Variants in KCNQ3 observed in about 807,000 individuals in gnomAD.
The protein encoded by KCNQ3 is potassium voltage-gated channel subfamily KQT member 3.
KCNQ3 carries 30 observed loss-of-function variants against 92.5 expected under a neutral mutation model. The observed-to-expected ratio is 0.32, with a 90% CI of 0.24 to 0.44. The LOEUF (loss-of-function observed/expected upper bound fraction) is 0.44, where lower values mean the gene tolerates loss of function less well. Ranked by LOEUF, KCNQ3 falls within the 20% of genes least tolerant of loss-of-function variation. The pLI is 1.00. For missense variants in KCNQ3, 913 were observed against 1,140.3 expected (o/e 0.80, Z 2.87); for synonymous variants, 450 against 468.8 (o/e 0.96, Z 0.52).
At chr8:132,286,184 C>T (rs1379332743) in intron 1 of KCNQ3, among the ~76,000 whole-genome samples, 1 of 152,188 alleles carries the variant, frequency 6.6e-6, no homozygotes, top group Non-Finnish European at 1.5e-5. Flanking sequence ...CCCCAGAATA[C>T]AGCCACTAGC....
Position 132,480,471 on chromosome 8 carries a change from CCGCCGCCCCCGT to C in KCNQ3, c.50_61del (p.Asp17_Gly20del), listed in dbSNP as rs1186895673. On this transcript the variant is annotated inframe_deletion, in exon 1 of 15. Coordinates refer to ENST00000388996, the MANE Select transcript of KCNQ3 (RefSeq NM_004519.4). Reference sequence around the variant, plus strand: ...GGCTGGGTTAGCCGCCCCGCCGCCTCCGCCGCCCCCGTCGCCGCCGCCGCCAGCCGCCCCCGC... The same window carrying C: ...GGCTGGGTTAGCCGCCCCGCCGCCTCCGCCGCCGCCGCCAGCCGCCCCCGC... 8.1e-7 allele frequency: 1 copy of C among 1,240,210 alleles called. No individual in the cohort carries two copies. The highest frequency in any genetic ancestry group is 1.0e-6 in the Non-Finnish European group (1 of 997,216). 76.8% of individuals were successfully genotyped at this position (1,240,210 alleles called of 1,614,324 possible). A position where few individuals can be genotyped will look rare whatever the true frequency, so the allele number is the denominator to read the frequency against.
intron 1 of KCNQ3, among the ~76,000 whole-genome samples, chr8:132,353,947 G>C (rs956345304): frequency 5.3e-5 from 8 of 152,186 alleles, no homozygotes; most frequent in Non-Finnish European, 7.3e-5. Flanking sequence ...CCTTGTTTGT[G>C]GTCATGAGTG....
At chr8:132,244,946 A>G (rs2130420653) in intron 1 of KCNQ3, among the ~76,000 whole-genome samples, 1 of 151,910 alleles carries the variant, frequency 6.6e-6, no homozygotes, top group South Asian at 2.1e-4. Flanking sequence ...AAAAAGATGA[A>G]AAAGCTACCC....
At chr8:132,355,106 A>G (rs988305549) in intron 1 of KCNQ3, among the ~76,000 whole-genome samples, 2 of 152,190 alleles carry the variant, frequency 1.3e-5, no homozygotes, top group Non-Finnish European at 2.9e-5. Flanking sequence ...CTAAGAGCTT[A>G]TCTATTTATG....
At chr8:132,468,040 C>T (rs908398066) in intron 1 of KCNQ3, among the ~76,000 whole-genome samples, 9 of 152,236 alleles carry the variant, frequency 5.9e-5, no homozygotes, top group African/African-American at 2.2e-4. Context: ...TTTTTCTAAG[C>T]TGTCAAGCGC....
chr8:132,165,523 C>A (rs567073525), intron 8 of KCNQ3, among the ~76,000 whole-genome samples: 2 of 152,272 alleles, frequency 1.3e-5, no homozygotes, highest in Admixed American at 6.5e-5. Flanking sequence ...CCCTTGCAGC[C>A]CAGATTCAAT....
intron 1 of KCNQ3, among the ~76,000 whole-genome samples, chr8:132,266,419 T>C (rs1325712854): frequency 1.3e-5 from 2 of 152,128 alleles, no homozygotes; most frequent in African/African-American, 4.8e-5. Context: ...AAACGAGATA[T>C]TATAGTCTCT....
At chr8:132,363,224 T>C (rs528863141) in intron 1 of KCNQ3, among the ~76,000 whole-genome samples, 4 of 152,300 alleles carry the variant, frequency 2.6e-5, no homozygotes, top group African/African-American at 4.8e-5. Context: ...CAGAAGGATA[T>C]TGGTAGATAA....
At chr8:132,293,542 C>G (rs1039985415) in intron 1 of KCNQ3, among the ~76,000 whole-genome samples, 1 of 152,170 alleles carries the variant, frequency 6.6e-6, no homozygotes, top group Admixed American at 6.5e-5. Context: ...TTTCCCTACA[C>G]GACTAGAAAT....
At chr8:132,151,451 G>T (rs1220191172) in intron 9 of KCNQ3, among the ~76,000 whole-genome samples, 2 of 152,116 alleles carry the variant, frequency 1.3e-5, no homozygotes, top group East Asian at 1.9e-4. Flanking sequence ...ATGGTGGAAG[G>T]ATTGTAAAAA....
chr8:132,145,464 T>C (rs1432029), intron 9 of KCNQ3, among the ~76,000 whole-genome samples: 115,540 of 152,108 alleles, frequency 0.76, 44,321 homozygotes, highest in Admixed American at 0.85. Flanking sequence ...CTTAGGAAAG[T>C]CATTAACTCA....
At chr8:132,281,520 C>CTGTGTG (rs57252508) in intron 1 of KCNQ3, among the ~76,000 whole-genome samples, 2 of 149,488 alleles carry the variant, frequency 1.3e-5, no homozygotes, top group East Asian at 2.0e-4. Flanking sequence ...TATATGGAAT[C>CTGTGTG]TGTGTGTGTG....
chr8:132,327,056 C>T (rs1163035980), intron 1 of KCNQ3, among the ~76,000 whole-genome samples: 2 of 152,172 alleles, frequency 1.3e-5, no homozygotes, highest in Admixed American at 6.5e-5. Context: ...GGAAGCTTGA[C>T]TGTTTTTTTC....
intron 1 of KCNQ3, among the ~76,000 whole-genome samples, chr8:132,475,939 G>A (rs570059429): frequency 1.3e-5 from 2 of 152,312 alleles, no homozygotes; most frequent in Non-Finnish European, 2.9e-5. Context: ...TGGTTTCCTG[G>A]GCCAGGCCCA....
Position 132,480,308 on chromosome 8 carries a change from G to T in KCNQ3, c.225C>A (p.Asp75Glu), listed in dbSNP as rs138254004. Residue 75 changes from aspartate (D) to glutamate (E), a missense_variant, in exon 1 of 15, where the codon GAC becomes GAA. By Grantham distance (45) the Asp-to-Glu change is conservative. Coordinates refer to ENST00000388996, the MANE Select transcript of KCNQ3 (RefSeq NM_004519.4). ...CCTGCGGGGTCCTCCGCTGCCCCTC[G>T]TCGCGGCCGCCGCCCTCCAGCAGCA... is the stretch of plus-strand genomic sequence containing the variant. ...GTLLLEGGGR[D>E]EGQRRTPQGI... 26 of 1,602,602 alleles carry T rather than the reference G, an allele frequency of 1.6e-5. No individual in the cohort carries two copies. The highest frequency in any genetic ancestry group is 2.2e-5 in the Non-Finnish European group (26 of 1,175,224).
At chr8:132,310,606 G>A (rs1167676463) in intron 1 of KCNQ3, among the ~76,000 whole-genome samples, 4 of 152,190 alleles carry the variant, frequency 2.6e-5, no homozygotes, top group Admixed American at 2.6e-4. Context: ...GAGCACAGGT[G>A]CTTCTCAATG....
intron 1 of KCNQ3, among the ~76,000 whole-genome samples, chr8:132,422,194 A>C (rs552819148): frequency 1.3e-5 from 2 of 152,130 alleles, no homozygotes; most frequent in African/African-American, 4.8e-5. Flanking sequence ...ACCACCATCT[A>C]ATGCAGTTGC....
chr8:132,424,821 C>G (rs1248783254), intron 1 of KCNQ3, among the ~76,000 whole-genome samples: 1 of 152,212 alleles, frequency 6.6e-6, no homozygotes, highest in East Asian at 1.9e-4. Flanking sequence ...GTCTTCACAT[C>G]ATCTTATCCC....
chr8:132,369,457 C>T (rs1300167019), intron 1 of KCNQ3, among the ~76,000 whole-genome samples: 1 of 151,992 alleles, frequency 6.6e-6, no homozygotes, highest in African/African-American at 2.4e-5. Context: ...CCCCATTGTC[C>T]AATAAAAGAA....
Sources: gnomAD v4.1 joint callset for allele counts (sites outside exome capture counted in the v4.1 genomes callset) on GRCh38, gnomAD v4.1.1 for gene constraint, MANE v1.5 for transcripts, NCBI Gene and HGNC (gene_info 2026-07-23, HGNC 2026-07-21) for gene names.